FBXL7: variants seen among roughly 807,000 people sequenced by gnomAD.
FBXL7 encodes F-box and leucine rich repeat protein 7.
A neutral mutation model predicts 38.3 loss-of-function variants in FBXL7; 12 were observed. The ratio of observed to expected loss-of-function variants is 0.31; its 90% CI spans 0.20 to 0.51. The LOEUF (loss-of-function observed/expected upper bound fraction) is 0.51. FBXL7 is among the 20% of genes least tolerant of loss of function. The pLI is 0.98. For missense variants in FBXL7, 567 were observed against 676.4 expected, an observed-to-expected ratio of 0.84 and a Z score of 1.79; for synonymous variants, 297 against 300.9, an observed-to-expected ratio of 0.99 and a Z score of 0.13.
intron 2 of FBXL7, among the ~76,000 whole-genome samples, chr5:15,744,427 C>T (rs917121258): frequency 1.3e-5 from 2 of 152,166 alleles, no homozygotes; most frequent in Admixed American, 1.3e-4. Context: ...CATCTGAGAT[C>T]ACCTCAGGCT....
intron 2 of FBXL7, among the ~76,000 whole-genome samples, chr5:15,633,262 A>G (rs1245885113): frequency 1.3e-5 from 2 of 152,194 alleles, no homozygotes; most frequent in Non-Finnish European, 2.9e-5. Context: ...GTTGGTTCAT[A>G]TTCAAGGGCT....
chr5:15,765,593 G>A (rs970206448), intron 2 of FBXL7, among the ~76,000 whole-genome samples: 1 of 152,172 alleles, frequency 6.6e-6, no homozygotes, highest in Non-Finnish European at 1.5e-5. Flanking sequence ...AGGTTGTATT[G>A]TAGTGCAAGC....
At chr5:15,527,803 A>G (rs1737295814) in intron 1 of FBXL7, among the ~76,000 whole-genome samples, 2 of 152,222 alleles carry the variant, frequency 1.3e-5, no homozygotes, top group Admixed American at 6.5e-5. Flanking sequence ...CCTCTTATCC[A>G]AGAAGGAGTA....
At chr5:15,762,203 C>T (rs949147976) in intron 2 of FBXL7, among the ~76,000 whole-genome samples, 1 of 152,176 alleles carries the variant, frequency 6.6e-6, no homozygotes, top group African/African-American at 2.4e-5. Context: ...CTCTGTTGGC[C>T]AGAGACCATC....
At chr5:15,812,624 G>C (rs1029110157) in intron 2 of FBXL7, among the ~76,000 whole-genome samples, 1 of 152,048 alleles carries the variant, frequency 6.6e-6, no homozygotes, top group Non-Finnish European at 1.5e-5. Flanking sequence ...GGTCTTTTTT[G>C]GTTCCATATG....
chr5:15,774,051 A>G (rs926512135), intron 2 of FBXL7, among the ~76,000 whole-genome samples: 1 of 152,050 alleles, frequency 6.6e-6, no homozygotes, highest in African/African-American at 2.4e-5. Context: ...AAACCCCACA[A>G]GCCTCTTTTT....
chr5:15,721,823 TTTTATTTATTTA>T (rs199590835), intron 2 of FBXL7, among the ~76,000 whole-genome samples: 1 of 151,306 alleles, frequency 6.6e-6, no homozygotes, highest in Non-Finnish European at 1.5e-5. Flanking sequence ...ATAAGAATCC[TTTTATTTATTTA>T]TTTATTTATT....
rs866378753 is a variant in FBXL7 at position 15,524,360 on chromosome 5, G to T, written c.37+23647G>T. On this transcript the variant is annotated intron_variant, in intron 1 of 3. Transcript: ENST00000504595. ...GTGAGTAAATGACACTTAACTTCTT[G>T]GGGGGGCTGAAGGGCTCATTTCTAT... is the stretch of plus-strand genomic sequence containing the variant. Among the ~76,000 whole-genome samples the T allele has an allele frequency of 4.6e-5, 7 of 151,988 alleles. 1 individual carries two copies. The South Asian group carries it at 1.5e-3, about 32-fold the overall frequency.
intron 1 of FBXL7, among the ~76,000 whole-genome samples, chr5:15,615,053 G>T (rs1237470746): frequency 6.6e-6 from 1 of 152,180 alleles, no homozygotes; most frequent in East Asian, 1.9e-4. Flanking sequence ...TGCGGACATG[G>T]ATACCATGAG....
intron 2 of FBXL7, among the ~76,000 whole-genome samples, chr5:15,830,483 AAAACACACACACACACACACAC>A (rs1458846894): frequency 1.5e-4 from 5 of 34,124 alleles, no homozygotes; most frequent in Non-Finnish European, 3.3e-4. Context: ...GACTCCATCT[AAAACACACACACACACACACAC>A]ACACACACAC....
At chr5:15,585,912 T>C (rs1434409042) in intron 1 of FBXL7, among the ~76,000 whole-genome samples, 1 of 152,226 alleles carries the variant, frequency 6.6e-6, no homozygotes, top group Non-Finnish European at 1.5e-5. Context: ...TGGCTATTCC[T>C]GGAGGAAGCT....
At chr5:15,635,961 G>A (rs1741175985) in intron 2 of FBXL7, among the ~76,000 whole-genome samples, 1 of 150,288 alleles carries the variant, frequency 6.7e-6, no homozygotes, top group African/African-American at 2.5e-5. Context: ...AATAATCAAT[G>A]TGAGGTCAGT....
chr5:15,615,846 C>A, intron 1 of FBXL7, 137 bp from the exon 2 acceptor site: 1 of 520,598 alleles, frequency 1.9e-6, no homozygotes, highest in African/African-American at 2.0e-5. Flanking sequence ...CAAAAAAAAA[C>A]TTAATAAACT....
rs183323619 is a variant in FBXL7, at chr5:15,817,202, A to T, written c.128-110688A>T. On this transcript the variant is annotated intron_variant, in intron 2 of 3. Coordinates refer to ENST00000504595, the MANE Select transcript of FBXL7 (RefSeq NM_012304.5). ...AGAGGGAATATCTGAGGCTTTGTTGATGACAGATGGACAGGTCCCAAGAAG... is the reference window on the plus strand; with the variant it reads ...AGAGGGAATATCTGAGGCTTTGTTGTTGACAGATGGACAGGTCCCAAGAAG... 2.8e-3 allele frequency among the ~76,000 whole-genome samples: 429 copies of T among 152,320 alleles called. 7 individuals carry two copies. Among genetic ancestry groups the T allele is most frequent in the African/African-American group, 1.0e-2 (415 of 41,568 alleles).
intron 2 of FBXL7, among the ~76,000 whole-genome samples, chr5:15,786,761 C>CGGGTGGATGCAAAGAT (rs1216725713): frequency 1.3e-5 from 2 of 152,090 alleles, no homozygotes; most frequent in Non-Finnish European, 2.9e-5. Flanking sequence ...CTTACAGGTA[C>CGGGTGGATGCAAAGAT]GGGTGGATGC....
intron 2 of FBXL7, among the ~76,000 whole-genome samples, chr5:15,851,158 A>T (rs1375689040): frequency 6.6e-6 from 1 of 152,224 alleles, no homozygotes; most frequent in Admixed American, 6.5e-5. Context: ...ACGTGCTGCC[A>T]GGTCCGTTCA....
chr5:15,768,292 G>T (rs1736641811), intron 2 of FBXL7, among the ~76,000 whole-genome samples: 1 of 152,164 alleles, frequency 6.6e-6, no homozygotes, highest in African/African-American at 2.4e-5. Flanking sequence ...AGCACTTTGG[G>T]AGGCCGAGGC....
chr5:15,728,245 T>A (rs965000154), intron 2 of FBXL7, among the ~76,000 whole-genome samples: 1 of 152,168 alleles, frequency 6.6e-6, no homozygotes, highest in Non-Finnish European at 1.5e-5. Flanking sequence ...TTTGTTTTTT[T>A]CCTCTGAATG....
At chr5:15,730,845 T>C (rs1040065140) in intron 2 of FBXL7, among the ~76,000 whole-genome samples, 1 of 152,218 alleles carries the variant, frequency 6.6e-6, no homozygotes, top group African/African-American at 2.4e-5. Flanking sequence ...AATATTGTTA[T>C]CATGGATGAC....
Sources: gnomAD v4.1 joint callset for allele counts (sites outside exome capture counted in the v4.1 genomes callset) on GRCh38, gnomAD v4.1.1 for gene constraint, MANE v1.5 for transcripts, NCBI Gene and HGNC (gene_info 2026-07-23, HGNC 2026-07-21) for gene names.